ESRRG: variants seen among roughly 807,000 people sequenced by gnomAD.
The protein encoded by ESRRG is estrogen related receptor gamma.
Under a neutral mutation model 44.0 loss-of-function variants are expected in ESRRG, and 13 were observed. That is an observed-to-expected ratio of 0.30 (90% CI 0.19 to 0.47). The LOEUF (loss-of-function observed/expected upper bound fraction) is 0.47, where lower values mean the gene tolerates loss of function less well. ESRRG is among the 20% of genes least tolerant of loss of function. The pLI, the probability that ESRRG is intolerant of heterozygous loss-of-function variation, is 1.00. For missense variants in ESRRG, 395 were observed against 580.6 expected (o/e 0.68, Z 3.29); for synonymous variants, 215 against 214.6 (o/e 1.00, Z -0.02).
intron 3 of ESRRG, among the ~76,000 whole-genome samples, chr1:216,621,171 A>G (rs2062171281): frequency 6.6e-6 from 1 of 152,226 alleles, no homozygotes; most frequent in Non-Finnish European, 1.5e-5. Context: ...CTAGGCTAAC[A>G]CATTCAAAGT....
intron 2 of ESRRG, among the ~76,000 whole-genome samples, chr1:216,793,599 T>A (rs924384232): frequency 1.3e-5 from 2 of 152,170 alleles, no homozygotes; most frequent in African/African-American, 4.8e-5. Flanking sequence ...TGCAACCTCA[T>A]GAGAGACCTT....
At chr1:216,612,151 T>C (rs927278748) in intron 3 of ESRRG, among the ~76,000 whole-genome samples, 2 of 152,170 alleles carry the variant, frequency 1.3e-5, no homozygotes, top group Non-Finnish European at 2.9e-5. Flanking sequence ...AAATTATCTA[T>C]ACTAAAGTAG....
intron 5 of ESRRG, among the ~76,000 whole-genome samples, chr1:216,540,311 C>T (rs915907518): frequency 3.9e-5 from 6 of 152,014 alleles, no homozygotes; most frequent in African/African-American, 1.2e-4. Context: ...ATGTGGCACA[C>T]ATATTTTTCA....
intron 3 of ESRRG, among the ~76,000 whole-genome samples, chr1:216,590,988 A>C (rs577636945): frequency 6.6e-6 from 1 of 152,180 alleles, no homozygotes. Context: ...ATAGGAAGAT[A>C]CTTGGTCTTT....
intron 2 of ESRRG, among the ~76,000 whole-genome samples, chr1:216,740,529 C>T (rs1487822826): frequency 6.6e-6 from 1 of 151,766 alleles, no homozygotes; most frequent in Non-Finnish European, 1.5e-5. Flanking sequence ...CATTTCTATA[C>T]AGCTTCATCA....
chr1:217,030,572 T>C (rs1333927039), intron 1 of ESRRG, among the ~76,000 whole-genome samples: 7 of 152,338 alleles, frequency 4.6e-5, no homozygotes, highest in Non-Finnish European at 8.8e-5. Flanking sequence ...ATTTACAAAA[T>C]AAAGTGTTAG....
chr1:217,031,604 G>T (rs1284577894), intron 1 of ESRRG, among the ~76,000 whole-genome samples: 1 of 152,202 alleles, frequency 6.6e-6, no homozygotes, highest in Non-Finnish European at 1.5e-5. Flanking sequence ...CACATTTACA[G>T]AGACCAACAG....
At chr1:217,073,378 A>T (rs1171466033) in intron 1 of ESRRG, among the ~76,000 whole-genome samples, 1 of 152,090 alleles carries the variant, frequency 6.6e-6, no homozygotes, top group Non-Finnish European at 1.5e-5. Flanking sequence ...ATCCTACTGC[A>T]CACTGCAGCT....
At chr1:216,866,342 A>T (rs1021497095) in intron 2 of ESRRG, among the ~76,000 whole-genome samples, 1 of 152,212 alleles carries the variant, frequency 6.6e-6, no homozygotes, top group Non-Finnish European at 1.5e-5. Context: ...CTATAGCAAT[A>T]CAATGACATT....
chr1:216,790,879 C>G (rs2094298226), intron 2 of ESRRG, among the ~76,000 whole-genome samples: 1 of 152,112 alleles, frequency 6.6e-6, no homozygotes, highest in East Asian at 1.9e-4. Flanking sequence ...ATCTTGTGCT[C>G]TTAATGGAAA....
chr1:216,926,205 C>T (rs192073946), intron 2 of ESRRG, among the ~76,000 whole-genome samples: 314 of 152,212 alleles, frequency 2.1e-3, no homozygotes, highest in African/African-American at 6.3e-3. Context: ...GCTGCTTCCG[C>T]AGATCTGCAC....
intron 1 of ESRRG, among the ~76,000 whole-genome samples, chr1:216,990,147 C>T (rs1296963497): frequency 6.6e-6 from 1 of 152,086 alleles, no homozygotes; most frequent in Non-Finnish European, 1.5e-5. Context: ...TTGGGTCAAA[C>T]CATTCAGATT....
intron 1 of ESRRG, among the ~76,000 whole-genome samples, chr1:216,943,580 G>A (rs1447517004): frequency 6.6e-6 from 1 of 152,118 alleles, no homozygotes; most frequent in Non-Finnish European, 1.5e-5. Flanking sequence ...AAAACCTTAG[G>A]AGTATATCTT....
At chr1:216,836,849 T>C (rs1488491267) in intron 2 of ESRRG, among the ~76,000 whole-genome samples, 2 of 152,018 alleles carry the variant, frequency 1.3e-5, no homozygotes, top group Non-Finnish European at 2.9e-5. Flanking sequence ...ATGGCTGAAA[T>C]TGGTTTGAGT....
chr1:216,626,760 G>A (rs938947423), intron 3 of ESRRG, among the ~76,000 whole-genome samples: 2 of 152,178 alleles, frequency 1.3e-5, no homozygotes, highest in Non-Finnish European at 2.9e-5. Context: ...ATTGCAGGAG[G>A]TTCCTCGCTG....
intron 1 of ESRRG, among the ~76,000 whole-genome samples, chr1:217,049,706 G>C (rs1294874541): frequency 6.6e-6 from 1 of 152,194 alleles, no homozygotes; most frequent in African/African-American, 2.4e-5. Context: ...CTTGGCCCAT[G>C]GTTGCGGCCT....
intron 2 of ESRRG, among the ~76,000 whole-genome samples, chr1:216,915,948 C>T (rs1446551707): frequency 1.2e-4 from 19 of 152,226 alleles, no homozygotes; most frequent in Non-Finnish European, 2.2e-4. Flanking sequence ...GTGAACTATT[C>T]GCCACGGGAG....
At chr1:216,877,268 A>C (rs2096369875) in intron 2 of ESRRG, among the ~76,000 whole-genome samples, 1 of 152,014 alleles carries the variant, frequency 6.6e-6, no homozygotes. Flanking sequence ...TGCAAGACTC[A>C]TCTCATGTTA....
At chr1:216,813,001 C>A (rs537401753) in intron 2 of ESRRG, among the ~76,000 whole-genome samples, 1 of 152,226 alleles carries the variant, frequency 6.6e-6, no homozygotes, top group East Asian at 1.9e-4. Context: ...TTAACTGAGA[C>A]AAAAGAATGC....
Sources: allele counts gnomAD v4.1 joint callset (sites outside exome capture counted in the v4.1 genomes callset), GRCh38; gene constraint gnomAD v4.1.1; transcripts MANE v1.5; gene names NCBI Gene and HGNC (gene_info 2026-07-23, HGNC 2026-07-21).